The following XRN1 variants were observed in gnomAD, a reference collection of about 807,000 sequenced individuals.
XRN1 encodes the protein 5'-3' exoribonuclease 1, also known as strand-exchange protein 1 homolog.
In XRN1, 67 loss-of-function variants were observed where a neutral mutation model predicts 222.3. That is an observed-to-expected ratio of 0.30 (90% CI 0.25 to 0.37). The LOEUF is 0.37. Among genes scored for constraint, XRN1 ranks in the 10% least tolerant of loss-of-function variants. The probability of loss-of-function intolerance (pLI) is 1.00; values close to 1 mark genes in which losing one functional copy is unlikely to be tolerated. For missense variants in XRN1, 1,707 were observed against 2,000.2 expected (o/e 0.85, Z 2.80); for synonymous variants, 643 against 652.4 (o/e 0.99, Z 0.22).
intron 33 of XRN1, among the ~76,000 whole-genome samples, 200 bp from the exon 34 acceptor site, chr3:142,335,709 A>G (rs529073927): frequency 1.6e-4 from 24 of 152,346 alleles, no homozygotes; most frequent in Admixed American, 1.4e-3. Context: ...GAAAGGTGGC[A>G]TCTGAATTGG....
chr3:142,375,221 G>A (rs1241094871), intron 25 of XRN1, among the ~76,000 whole-genome samples: 1 of 152,122 alleles, frequency 6.6e-6, no homozygotes, highest in Non-Finnish European at 1.5e-5. Flanking sequence ...CTAATAAAGA[G>A]ATCTTCAAAT....
intron 33 of XRN1, among the ~76,000 whole-genome samples, chr3:142,342,624 C>T (rs2066028701): frequency 6.6e-6 from 1 of 151,922 alleles, no homozygotes; most frequent in African/African-American, 2.4e-5. Context: ...AACAGTGAAC[C>T]CAGAAATAAA....
At chr3:142,404,635 T>C (rs925420443) in intron 16 of XRN1, among the ~76,000 whole-genome samples, 1 of 152,068 alleles carries the variant, frequency 6.6e-6, no homozygotes, top group African/African-American at 2.4e-5. Flanking sequence ...TGCAGGGATA[T>C]ACATTAGAGA....
Position 142,347,271 on chromosome 3 carries a change from A to G in XRN1, c.3840T>C (p.Val1280=). ...GGTCATGTTTTCTTTGCTGATATTT[A>G]ACACTGTTGTCATTAAAGCCAGATT... is the stretch of plus-strand genomic sequence containing the variant. ...HHKSGFNDNS[V]KYQQRKHDPH... is the part of the protein sequence containing the mutation. The change falls in exon 33 of 41, where the codon GTT becomes GTC. Residue 1280 remains valine (V), a synonymous_variant. Coordinates refer to ENST00000392981, the MANE Select transcript of XRN1 (RefSeq NM_001282857.2). The G allele has an allele frequency of 1.2e-6, 2 of 1,608,996 alleles. No individual in the cohort carries two copies. Among genetic ancestry groups the G allele is most frequent in the Non-Finnish European group, 1.7e-6 (2 of 1,177,566 alleles).
In XRN1 at chr3:142,306,915, T is replaced by A. The variant is rs1023015538; in HGVS notation, c.*4596A>T. The A allele has an allele frequency of 2.0e-5, 3 of 152,628 alleles. No homozygotes were observed. The highest frequency in any genetic ancestry group is 4.4e-5 in the Non-Finnish European group (3 of 68,026). 9.5% of individuals were successfully genotyped at this position (152,628 alleles called of 1,614,324 possible). A position where few individuals can be genotyped will look rare whatever the true frequency, so the allele number is the denominator to read the frequency against. On this transcript the variant is annotated 3_prime_UTR_variant, in exon 41 of 41. Coordinates refer to ENST00000392981, the MANE Select transcript of XRN1 (RefSeq NM_001282857.2). Reference sequence around the variant, plus strand: ...AAATACTTCTCTGTATAAGATCTAATGAAAAATTCCAGTTACTTATAAAAT... The same window carrying A: ...AAATACTTCTCTGTATAAGATCTAAAGAAAAATTCCAGTTACTTATAAAAT...
At chr3:142,372,155 G>A (rs2067008559) in intron 25 of XRN1, among the ~76,000 whole-genome samples, 1 of 152,162 alleles carries the variant, frequency 6.6e-6, no homozygotes, top group African/African-American at 2.4e-5. Flanking sequence ...CCCAGCATAT[G>A]ACCTGTAGCG....
intron 18 of XRN1, among the ~76,000 whole-genome samples, chr3:142,402,243 C>T (rs2068170903): frequency 1.3e-5 from 2 of 151,826 alleles, no homozygotes; most frequent in East Asian, 1.9e-4. Context: ...AGTGCAGTGG[C>T]GCGATTTTGG....
chr3:142,313,111 A>G (rs200334821), intron 39 of XRN1: 3 of 1,596,666 alleles, frequency 1.9e-6, no homozygotes, highest in East Asian at 4.5e-5. Flanking sequence ...CTTGGGCACA[A>G]ATAGAGAAAT....
Position 142,318,810 on chromosome 3 carries a change from G to A in XRN1, c.4498C>T (p.Leu1500Phe). ...CTTACCAACTGTTGTAAAGCAAAAA[G>A]TGCAGCTTTCTCTTTGGCTTCATTT... ...SENEAKEKAA[L>F]FALQQLGSLG... is the part of the protein sequence containing the mutation. Residue 1500 changes from leucine (L) to phenylalanine (F), a missense_variant, in exon 38 of 41, where the codon CTT (leucine) becomes TTT (phenylalanine). Physicochemically the swap from Leu to Phe is conservative, Grantham distance 22. Around this residue, in one of 2 missense-constraint regions of XRN1, gnomAD observed 473 missense variants for 482.0 expected, o/e 0.98. Transcript: ENST00000392981. 5 of 1,613,914 alleles carry A rather than the reference G, an allele frequency of 3.1e-6. No homozygotes were observed. Among genetic ancestry groups the A allele is most frequent in the Non-Finnish European group, 4.2e-6 (5 of 1,179,902 alleles).
At chr3:142,318,461 G>T in intron 39 of XRN1, 131 bp downstream of exon 39, 2 of 813,478 alleles carry the variant, frequency 2.5e-6, no homozygotes, top group Non-Finnish European at 3.9e-6. Flanking sequence ...GAATCTGCAG[G>T]CTGTGGCTTT....
In XRN1 at chr3:142,332,380, T is replaced by C. The variant is rs2065724413; in HGVS notation, c.4217A>G (p.Lys1406Arg). 5.0e-6 allele frequency: 8 copies of C among 1,592,408 alleles called. No individual in the cohort carries two copies. In the South Asian group the frequency reaches 9.1e-5, roughly 18 times the overall value. The part of the protein sequence containing the change: ...GLPSQPKQNK[K>R]LASYMNKPHS... ...ATAGTATTTAGTTTACTTACCTAATTTCTTATTTTGTTTAGGCTGAGAGGG... is the reference window on the plus strand; with the variant it reads ...ATAGTATTTAGTTTACTTACCTAATCTCTTATTTTGTTTAGGCTGAGAGGG... The change falls in exon 36 of 41, where the codon AAA (lysine) becomes AGA (arginine). Residue 1406 changes from lysine (K) to arginine (R), a missense_variant. Lys to Arg is a conservative substitution (Grantham distance 26, BLOSUM62 2). This residue lies in a region of XRN1 where 473 missense variants were observed against 482.0 expected (regional missense o/e 0.98). Transcript: ENST00000392981.
intron 1 of XRN1, among the ~76,000 whole-genome samples, chr3:142,444,162 A>G (rs1276307977): frequency 6.6e-6 from 1 of 152,182 alleles, no homozygotes; most frequent in Non-Finnish European, 1.5e-5. Context: ...AATAAGACCT[A>G]GTCTGGGCAC....
At chr3:142,384,935 A>G (rs897747858) in intron 20 of XRN1, among the ~76,000 whole-genome samples, 3 of 152,184 alleles carry the variant, frequency 2.0e-5, no homozygotes, top group Non-Finnish European at 2.9e-5. Context: ...TCCTGTTCTC[A>G]CATCCACTAG....
At chr3:142,410,748 C>T (rs1368428657) in intron 15 of XRN1, among the ~76,000 whole-genome samples, 1 of 152,112 alleles carries the variant, frequency 6.6e-6, no homozygotes, top group Non-Finnish European at 1.5e-5. Flanking sequence ...CCCACCTCAG[C>T]CTCCCAAAGT....
At chr3:142,391,583 G>A (rs1173233024) in intron 20 of XRN1, among the ~76,000 whole-genome samples, 1 of 151,688 alleles carries the variant, frequency 6.6e-6, no homozygotes, top group Non-Finnish European at 1.5e-5. Context: ...TAAAATAGTA[G>A]CCTGGCATGG....
intron 33 of XRN1, 74 bp from the exon 34 acceptor site, chr3:142,335,583 A>C: frequency 1.5e-6 from 2 of 1,297,512 alleles, no homozygotes; most frequent in Admixed American, 1.9e-5. Context: ...AATATTTATA[A>C]TAGCAAGGCA....
chr3:142,347,109 A>C (rs1026174805), intron 33 of XRN1, 125 bp downstream of exon 33: 12 of 710,530 alleles, frequency 1.7e-5, no homozygotes, highest in Non-Finnish European at 2.4e-5. Flanking sequence ...AATACAAAAA[A>C]CCACTTATCG....
chr3:142,395,145 CAAAT>C (rs1366216681), intron 20 of XRN1, among the ~76,000 whole-genome samples: 4 of 152,124 alleles, frequency 2.6e-5, no homozygotes, highest in African/African-American at 9.7e-5. Flanking sequence ...GCAAAAATCA[CAAAT>C]AAGTAAACCC....
intron 40 of XRN1, among the ~76,000 whole-genome samples, chr3:142,312,274 T>C (rs968139743): frequency 6.6e-6 from 1 of 152,052 alleles, no homozygotes; most frequent in African/African-American, 2.4e-5. Context: ...AGTGAGATCC[T>C]TCTCCAAAAA....
Sources: gnomAD v4.1 joint callset for allele counts (sites outside exome capture counted in the v4.1 genomes callset) on GRCh38, gnomAD v4.1.1 for gene constraint, gnomAD v4.1.1 regional missense constraint, MANE v1.5 for transcripts, NCBI Gene and HGNC (gene_info 2026-07-23, HGNC 2026-07-21) for gene names.